The following C2CD3 variants were observed in gnomAD, a reference collection of about 807,000 sequenced individuals.
C2CD3 encodes C2 domain-containing protein 3.
In C2CD3, 148 loss-of-function variants were observed where a neutral mutation model predicts 234.0. The ratio of observed to expected loss-of-function variants is 0.63; its 90% CI spans 0.55 to 0.72. The LOEUF is 0.72. C2CD3 is among the 30% of genes least tolerant of loss of function. The pLI is 0.00. For synonymous variants in C2CD3, 1,000 were observed against 1,035.4 expected, an observed-to-expected ratio of 0.97 and a Z score of 0.66; for missense variants, 2,577 against 2,811.5, an observed-to-expected ratio of 0.92 and a Z score of 1.89.
chr11:74,046,983 C>T (rs1177635004), intron 28 of C2CD3, among the ~76,000 whole-genome samples: 1 of 152,220 alleles, frequency 6.6e-6, no homozygotes, highest in Non-Finnish European at 1.5e-5. Flanking sequence ...TTCTCATTTA[C>T]TCTTTGTAAC....
At chr11:74,079,489 G>A (rs2135467187) in intron 22 of C2CD3, among the ~76,000 whole-genome samples, 1 of 151,384 alleles carries the variant, frequency 6.6e-6, no homozygotes, top group East Asian at 1.9e-4. Context: ...GGCTTCCCAA[G>A]GTTTTGAGAT....
chr11:74,130,522 C>T (rs535097741), intron 7 of C2CD3, among the ~76,000 whole-genome samples: 83 of 152,100 alleles, frequency 5.5e-4, no homozygotes, highest in African/African-American at 1.7e-3. Flanking sequence ...CATGAGCCAC[C>T]GTGCCTGGTC....
At chr11:74,152,121 T>C (rs1855706056) in intron 3 of C2CD3, among the ~76,000 whole-genome samples, 1 of 152,156 alleles carries the variant, frequency 6.6e-6, no homozygotes, top group Admixed American at 6.5e-5. Context: ...ACATGCTGGC[T>C]CCTTGAAAAG....
rs191218824 is a variant in C2CD3 at position 74,032,487 on chromosome 11, C to T, written c.6809+864G>A. Among the ~76,000 whole-genome samples the T allele has an allele frequency of 4.1e-4, 60 of 147,350 alleles. 1 individual carries two copies. The East Asian group carries it at 0.011, about 28-fold the overall frequency. Reference sequence around the variant, plus strand: ...AGGAAGGAGTGGGGAATGTCAGGTGCCCCCTGTTCCCATCAACAGTACCTT... The same window carrying T: ...AGGAAGGAGTGGGGAATGTCAGGTGTCCCCTGTTCCCATCAACAGTACCTT... On this transcript the variant is annotated intron_variant, in intron 31 of 32. Transcript: ENST00000334126.
Position 74,170,920 on chromosome 11 carries a change from G to A in C2CD3, c.-128C>T. On this transcript the variant is annotated 5_prime_UTR_variant, in exon 1 of 33. Transcript: ENST00000334126. ...GCGCCGCTGGGCAGCCTGGGAGGCA[G>A]GAAAAAGCGACTCTTCCTCTAACAG... is the stretch of plus-strand genomic sequence containing the variant. 6.7e-7 allele frequency: 1 copy of A among 1,498,456 alleles called. No individual in the cohort carries two copies. The highest frequency in any genetic ancestry group is 8.9e-7 in the Non-Finnish European group (1 of 1,126,228). The allele number at this position is 1,498,456 out of a possible 1,614,324, so 92.8% of individuals were successfully genotyped here.
intron 3 of C2CD3, among the ~76,000 whole-genome samples, chr11:74,158,549 C>T (rs189838731): frequency 4.8e-4 from 73 of 152,050 alleles, no homozygotes; most frequent in African/African-American, 1.7e-3. Context: ...ATGGTGAAAC[C>T]CTGTCTCTAC....
chr11:74,056,947 C>T (rs1195986691), intron 25 of C2CD3, among the ~76,000 whole-genome samples: 1 of 147,572 alleles, frequency 6.8e-6, no homozygotes, highest in Non-Finnish European at 1.5e-5. Context: ...ATTGCCCAGG[C>T]AAGTCTCGAA....
intron 25 of C2CD3, among the ~76,000 whole-genome samples, chr11:74,057,030 C>T (rs1953987747): frequency 6.6e-6 from 1 of 151,914 alleles, no homozygotes; most frequent in African/African-American, 2.4e-5. Flanking sequence ...CCCCCAGTAG[C>T]TGGGATTACA....
intron 25 of C2CD3, among the ~76,000 whole-genome samples, chr11:74,055,646 G>A (rs1406046144): frequency 6.6e-6 from 1 of 152,226 alleles, no homozygotes; most frequent in Non-Finnish European, 1.5e-5. Context: ...TCACCTGAGT[G>A]ACTCTGGCCA....
intron 24 of C2CD3, among the ~76,000 whole-genome samples, chr11:74,073,271 T>C (rs1954880026): frequency 6.6e-6 from 1 of 152,156 alleles, no homozygotes; most frequent in Admixed American, 6.5e-5. Context: ...TGTGCTTTAG[T>C]AACAAGGTCT....
intron 2 of C2CD3, among the ~76,000 whole-genome samples, chr11:74,167,806 T>C (rs1278036905): frequency 6.6e-6 from 1 of 152,274 alleles, no homozygotes; most frequent in Non-Finnish European, 1.5e-5. Flanking sequence ...TACAGAGGGA[T>C]GCTTTCCATT....
At chr11:74,132,333 A>T (rs1042667526) in intron 7 of C2CD3, among the ~76,000 whole-genome samples, 4 of 152,248 alleles carry the variant, frequency 2.6e-5, no homozygotes, top group Non-Finnish European at 5.9e-5. Context: ...CCTGGGCAAC[A>T]GAGTGAGACT....
chr11:74,033,190 T>A (rs1952591174), intron 31 of C2CD3, among the ~76,000 whole-genome samples, 161 bp downstream of exon 31: 1 of 152,184 alleles, frequency 6.6e-6, no homozygotes, highest in South Asian at 2.1e-4. Flanking sequence ...CTGGTGTTAA[T>A]GGTAAAACTG....
At chr11:74,044,963 C>T (rs1953292135) in intron 28 of C2CD3, among the ~76,000 whole-genome samples, 1 of 149,562 alleles carries the variant, frequency 6.7e-6, no homozygotes, top group Non-Finnish European at 1.5e-5. Context: ...GTTATTTGTG[C>T]TTTTGGTGTC....
At chr11:74,170,053 T>G (rs543857268) in intron 1 of C2CD3, among the ~76,000 whole-genome samples, 1 of 152,172 alleles carries the variant, frequency 6.6e-6, no homozygotes, top group Admixed American at 6.5e-5. Context: ...CTGTTCTCAC[T>G]GCAGCTAACA....
chr11:74,048,023 C>T (rs1399972956), intron 28 of C2CD3, among the ~76,000 whole-genome samples, 182 bp downstream of exon 28: 3 of 152,200 alleles, frequency 2.0e-5, no homozygotes, highest in South Asian at 2.1e-4. Context: ...ATTCTAGCTC[C>T]TATCTTATAA....
At chr11:74,161,911 A>T (rs977223193) in intron 2 of C2CD3, among the ~76,000 whole-genome samples, 1 of 150,004 alleles carries the variant, frequency 6.7e-6, no homozygotes, top group Admixed American at 6.7e-5. Context: ...GAACTCCAGG[A>T]CTCAAGTGAT....
chr11:74,094,968 T>A (rs1956052037), intron 17 of C2CD3, among the ~76,000 whole-genome samples: 1 of 152,100 alleles, frequency 6.6e-6, no homozygotes, highest in Non-Finnish European at 1.5e-5. Context: ...CAAATGCAAA[T>A]AATTGGTAGA....
intron 15 of C2CD3, among the ~76,000 whole-genome samples, chr11:74,099,207 C>G (rs904134970): frequency 1.3e-5 from 2 of 152,198 alleles, no homozygotes; most frequent in African/African-American, 2.4e-5. Context: ...GCAGGACTAC[C>G]CAGCCTGGCC....
Sources: allele counts gnomAD v4.1 joint callset (sites outside exome capture counted in the v4.1 genomes callset), GRCh38; gene constraint gnomAD v4.1.1; transcripts MANE v1.5; gene names NCBI Gene and HGNC (gene_info 2026-07-23, HGNC 2026-07-21).